Variants in ZNF439 observed in about 807,000 individuals in gnomAD.
ZNF439 encodes zinc finger protein 439.
Under a neutral mutation model 47.3 loss-of-function variants are expected in ZNF439, and 40 were observed. The observed-to-expected ratio is 0.85, with a 90% CI of 0.66 to 1.10. ZNF439 has a LOEUF of 1.10. ZNF439 is among the 50% of genes least tolerant of loss of function. ZNF439 has a pLI of 0.00. For synonymous variants in ZNF439, 171 were observed against 198.8 expected (o/e 0.86, Z 1.18); for missense variants, 556 against 601.1 (o/e 0.93, Z 0.78).
Position 11,848,850 on chromosome 19 carries a change from C to A in ZNF439, c.-18C>A. On this transcript the variant is annotated 5_prime_UTR_variant, in exon 1 of 4. Transcript: ENST00000682736. ...CTAGTGCCTCTACCCAGATTTCTGT[C>A]GCTCTGTCACCTGCGCTATGCCCTG... 1.3e-6 allele frequency: 2 copies of A among 1,548,668 alleles called. No homozygotes were observed. The highest frequency in any genetic ancestry group is 1.1e-5 in the South Asian group (1 of 90,006).
chr19:11,852,980 T>C (rs1360310596), intron 1 of ZNF439, among the ~76,000 whole-genome samples: 1 of 151,626 alleles, frequency 6.6e-6, no homozygotes, highest in African/African-American at 2.4e-5. Context: ...CCCAGGGTGG[T>C]GTGCAGTGGT....
rs1306602779 is a variant in ZNF439 at position 11,848,764 on chromosome 19, G to C, written c.-104G>C. On this transcript the variant is annotated 5_prime_UTR_variant, in exon 1 of 4. Transcript: ENST00000682736. ...GCACGGAGGATGTTGCATTCCTGCCGTCACCTTTGTCGCTGCGAGGGCGGC... is the reference window on the plus strand; with the variant it reads ...GCACGGAGGATGTTGCATTCCTGCCCTCACCTTTGTCGCTGCGAGGGCGGC... 12 of 1,294,636 alleles carry C rather than the reference G, an allele frequency of 9.3e-6. No homozygotes were observed. The highest frequency in any genetic ancestry group is 1.2e-5 in the Non-Finnish European group (12 of 999,020). 80.2% of individuals were successfully genotyped at this position (1,294,636 alleles called of 1,614,324 possible). A position where few individuals can be genotyped will look rare whatever the true frequency, so the allele number is the denominator to read the frequency against.
chr19:11,863,810 T>G (rs1976603399), intron 1 of ZNF439, among the ~76,000 whole-genome samples: 1 of 152,152 alleles, frequency 6.6e-6, no homozygotes, highest in East Asian at 1.9e-4. Flanking sequence ...TGTAAAAGGT[T>G]CAGTTCTGTG....
At chr19:11,862,754 T>TC (rs1976572462) in intron 1 of ZNF439, among the ~76,000 whole-genome samples, 1 of 152,246 alleles carries the variant, frequency 6.6e-6, no homozygotes, top group African/African-American at 2.4e-5. Flanking sequence ...TGTTTTTTTT[T>TC]TTCTTCTTTT....
chr19:11,855,083 T>C (rs1162430447), intron 1 of ZNF439, among the ~76,000 whole-genome samples: 1 of 152,118 alleles, frequency 6.6e-6, no homozygotes, highest in Non-Finnish European at 1.5e-5. Context: ...GAGGAAGAGG[T>C]GAGCTAAAGC....
At chr19:11,854,016 T>G (rs1165428863) in intron 1 of ZNF439, among the ~76,000 whole-genome samples, 1 of 152,216 alleles carries the variant, frequency 6.6e-6, no homozygotes, top group African/African-American at 2.4e-5. Flanking sequence ...GTCCCGTGGA[T>G]GCTCACTTTG....
At position 11,861,249 on chromosome 19, in the gene ZNF439, T is replaced by C. The variant is rs545818122; in HGVS notation, c.64-4956T>C. Among the ~76,000 whole-genome samples the C allele has an allele frequency of 6.6e-5, 10 of 152,328 alleles. No homozygotes were observed. In the East Asian group the frequency reaches 9.6e-4, roughly 15 times the overall value. On this transcript the variant is annotated intron_variant, in intron 1 of 3. Transcript: ENST00000682736. Reference sequence around the variant, plus strand: ...AAAATCCTTTCTGCCTCTCCTCCTCTTATCTTTCCGAGACACAGACACCTT... The same window carrying C: ...AAAATCCTTTCTGCCTCTCCTCCTCCTATCTTTCCGAGACACAGACACCTT...
Position 11,866,544 on chromosome 19 carries a change from G to GT in ZNF439, c.199dup (p.Trp67LeufsTer7). 6.2e-7 allele frequency: 1 copy of GT among 1,613,096 alleles called. No individual in the cohort carries two copies. Among genetic ancestry groups the GT allele is most frequent in the Non-Finnish European group, 8.5e-7 (1 of 1,179,588 alleles). On this transcript the variant is annotated frameshift_variant, in exon 3 of 4. Transcript: ENST00000682736. LOFTEE classifies it high-confidence loss of function. ...TCTGTGTTTGTATTTTAGGAAAAAA[G>GT]TGGAAAGACCAGAACATTGAATATG...
chr19:11,865,992 G>A, intron 1 of ZNF439: 1 of 1,375,288 alleles, frequency 7.3e-7, no homozygotes, highest in South Asian at 1.7e-5. Flanking sequence ...TCCAGCCTGG[G>A]CAATAAGAGT....
intron 1 of ZNF439, among the ~76,000 whole-genome samples, chr19:11,855,101 A>G (rs977481400): frequency 2.0e-5 from 3 of 152,200 alleles, no homozygotes; most frequent in Non-Finnish European, 2.9e-5. Context: ...AGCCTGCTCC[A>G]CACCAAGCAA....
rs1409459624 is a variant in ZNF439 at position 11,865,738 on chromosome 19, A to AAAAC, written c.64-465_64-464insACAA. Among the ~76,000 whole-genome samples the AAAAC allele has an allele frequency of 4.4e-3, 637 of 144,806 alleles. 18 individuals carry two copies. The highest frequency in any genetic ancestry group is 0.016 in the African/African-American group (607 of 37,794). 95.0% of individuals were successfully genotyped at this position (144,806 alleles called of 152,430 possible). On this transcript the variant is annotated intron_variant, in intron 1 of 3. Transcript: ENST00000682736. The stretch of plus-strand genomic sequence containing the variant: ...AAAAAAAAAAAAAAAAAAAAAAAAA[A>AAAAC]AATTGCTGTCTGGGTGTGGTGGCTC...
chr19:11,863,943 C>T lies in ZNF439; in HGVS notation c.64-2262C>T, dbSNP rs78701217. ...CTCACTATGTTGCCCAGGCTGGTCT[C>T]GAACTGCGGGGCTCAAATGATCTGT... On this transcript the variant is annotated intron_variant, in intron 1 of 3. Transcript: ENST00000682736. 5.1e-4 allele frequency among the ~76,000 whole-genome samples: 78 copies of T among 152,002 alleles called. 1 individual carries two copies. The East Asian group carries it at 0.013, about 26-fold the overall frequency.
At chr19:11,854,267 C>T (rs1976325981) in intron 1 of ZNF439, among the ~76,000 whole-genome samples, 1 of 152,204 alleles carries the variant, frequency 6.6e-6, no homozygotes, top group Non-Finnish European at 1.5e-5. Flanking sequence ...TGATGGAGTA[C>T]ATCACAACAG....
intron 1 of ZNF439, among the ~76,000 whole-genome samples, chr19:11,851,549 T>C (rs1439623678): frequency 6.6e-6 from 1 of 152,150 alleles, no homozygotes; most frequent in African/African-American, 2.4e-5. Context: ...GGTTGGTCTT[T>C]CTCTGGCTCC....
Position 11,867,754 on chromosome 19 carries a change from T to C in ZNF439, c.700T>C (p.Tyr234His). The C allele has an allele frequency of 1.2e-6, 2 of 1,614,204 alleles. No individual in the cohort carries two copies. Among genetic ancestry groups the C allele is most frequent in the South Asian group, 1.1e-5 (1 of 91,086 alleles). Residue 234 changes from tyrosine to histidine, a missense_variant, in exon 4 of 4, where the codon TAT (tyrosine) becomes CAT (histidine). Tyr to His is a moderately conservative substitution (Grantham distance 83). Coordinates refer to ENST00000682736, the MANE Select transcript of ZNF439 (RefSeq NM_001348719.2). ...CGKAFHCLSL[Y>H]LIHERTHTGE... ...GAAAGCATTCCATTGTCTCAGTTTA[T>C]ATCTTATCCATGAAAGAACTCACAC...
intron 1 of ZNF439, chr19:11,856,602 G>C (rs1976393045): frequency 6.6e-6 from 1 of 152,234 alleles, no homozygotes; most frequent in African/African-American, 2.4e-5. Context: ...ATTTCATTTG[G>C]AGCCAAGCCT....
At position 11,868,503 on chromosome 19, in the gene ZNF439, C is replaced by T. The variant is rs1044046068; in HGVS notation, c.1449C>T (p.Val483=). The T allele has an allele frequency of 1.2e-6, 2 of 1,611,678 alleles. No homozygotes were observed. Among genetic ancestry groups the T allele is most frequent in the Admixed American group, 3.3e-5 (2 of 59,744 alleles). The change falls in exon 4 of 4, where the codon GTC becomes GTT. Residue 483 remains valine, a synonymous_variant. Transcript: ENST00000682736. The part of the protein sequence containing the change: ...CKKCGKAFRY[V]QNFRFHERTQ... ...AATGTGGGAAAGCCTTCAGATATGTCCAGAACTTTCGATTTCATGAAAGGA... is the reference window on the plus strand; with the variant it reads ...AATGTGGGAAAGCCTTCAGATATGTTCAGAACTTTCGATTTCATGAAAGGA...
intron 1 of ZNF439, among the ~76,000 whole-genome samples, chr19:11,860,990 G>C (rs554716810): frequency 6.6e-5 from 10 of 152,216 alleles, no homozygotes; most frequent in Non-Finnish European, 8.8e-5. Flanking sequence ...CCAACCCTTA[G>C]GTAGGACCTT....
intron 1 of ZNF439, among the ~76,000 whole-genome samples, chr19:11,863,620 G>A (rs1369028126): frequency 1.3e-5 from 2 of 152,102 alleles, no homozygotes; most frequent in Admixed American, 6.6e-5. Context: ...CCCAAACAGA[G>A]TTTTATTTTG....
Sources: gnomAD v4.1 joint callset for allele counts (sites outside exome capture counted in the v4.1 genomes callset) on GRCh38, gnomAD v4.1.1 for gene constraint, MANE v1.5 for transcripts, NCBI Gene and HGNC (gene_info 2026-07-23, HGNC 2026-07-21) for gene names.